The following LIMCH1 variants were observed in gnomAD, a reference collection of about 807,000 sequenced individuals.
LIMCH1 encodes LIM and calponin homology domains-containing protein 1.
Under a neutral mutation model 176.5 loss-of-function variants are expected in LIMCH1, and 113 were observed. That is an observed-to-expected ratio of 0.64 (90% CI 0.55 to 0.75). The LOEUF is 0.75. Among genes scored for constraint, LIMCH1 ranks in the 30% least tolerant of loss-of-function variants. The probability of loss-of-function intolerance (pLI) is 0.00; values close to 1 mark genes in which losing one functional copy is unlikely to be tolerated. For synonymous variants in LIMCH1, 619 were observed against 645.9 expected, an observed-to-expected ratio of 0.96 and a Z score of 0.63; for missense variants, 1,674 against 1,814.9, an observed-to-expected ratio of 0.92 and a Z score of 1.41.
At chr4:41,501,736 T>C (rs935108693) in intron 2 of LIMCH1, among the ~76,000 whole-genome samples, 1 of 151,918 alleles carries the variant, frequency 6.6e-6, no homozygotes, top group Admixed American at 6.6e-5. Flanking sequence ...TAGAAAACAA[T>C]AGAAGACAAA....
chr4:41,361,408 G>T (rs1318421421), intron 1 of LIMCH1, among the ~76,000 whole-genome samples: 1 of 152,198 alleles, frequency 6.6e-6, no homozygotes, highest in Non-Finnish European at 1.5e-5. Flanking sequence ...GAGCAGAGTT[G>T]GCAGTGTCTT....
At chr4:41,620,747 A>C in intron 7 of LIMCH1, 57 bp downstream of exon 7, 1 of 1,482,014 alleles carries the variant, frequency 6.7e-7, no homozygotes, top group African/African-American at 1.4e-5. Context: ...GGGGATTTGG[A>C]ATCTGTCTAG....
Position 41,487,158 on chromosome 4 carries a change from C to T in LIMCH1, c.97-7378C>T, listed in dbSNP as rs200752864. ...ACAGGTGTGAGCCACCACGCCCGGCCGAGAATCTGTGTTTCTAACATGAAT... is the reference window on the plus strand; with the variant it reads ...ACAGGTGTGAGCCACCACGCCCGGCTGAGAATCTGTGTTTCTAACATGAAT... On this transcript the variant is annotated intron_variant, in intron 1 of 26. Transcript: ENST00000313860. 4.6e-5 allele frequency among the ~76,000 whole-genome samples: 7 copies of T among 151,988 alleles called. No homozygotes were observed. In the East Asian group the frequency reaches 9.7e-4, roughly 21 times the overall value.
At chr4:41,532,185 C>T (rs530105314) in intron 3 of LIMCH1, among the ~76,000 whole-genome samples, 21 of 152,264 alleles carry the variant, frequency 1.4e-4, no homozygotes, top group Admixed American at 1.2e-3. Flanking sequence ...ACAAAACACA[C>T]GAGGTCTTTG....
chr4:41,366,180 G>A (rs1457426256), intron 1 of LIMCH1, among the ~76,000 whole-genome samples: 2 of 152,180 alleles, frequency 1.3e-5, no homozygotes, highest in Admixed American at 1.3e-4. Flanking sequence ...TGTTAATGAT[G>A]CTGATGTTGC....
intron 3 of LIMCH1, among the ~76,000 whole-genome samples, chr4:41,604,799 G>A (rs564748366): frequency 6.6e-6 from 1 of 152,112 alleles, no homozygotes; most frequent in Non-Finnish European, 1.5e-5. Flanking sequence ...TGTTCTGGAA[G>A]TTTCGAGGGA....
intron 1 of LIMCH1, among the ~76,000 whole-genome samples, chr4:41,546,846 G>C (rs1158115862): frequency 1.3e-5 from 2 of 152,174 alleles, no homozygotes; most frequent in East Asian, 3.9e-4. Context: ...TATATGGAGA[G>C]AGAGAGAGAC....
chr4:41,445,020 C>CTTTT (rs11414585), intron 1 of LIMCH1, among the ~76,000 whole-genome samples: 1 of 128,532 alleles, frequency 7.8e-6, no homozygotes, highest in African/African-American at 2.9e-5. Flanking sequence ...TTTTCCCATT[C>CTTTT]TTTTTTTTTT....
At chr4:41,510,909 T>A (rs1346779433) in intron 2 of LIMCH1, among the ~76,000 whole-genome samples, 3 of 152,144 alleles carry the variant, frequency 2.0e-5, no homozygotes, top group Non-Finnish European at 4.4e-5. Flanking sequence ...TTTAAAAAGT[T>A]AACTATGAAG....
intron 1 of LIMCH1, among the ~76,000 whole-genome samples, chr4:41,406,858 G>C (rs1025153029): frequency 6.6e-6 from 1 of 152,124 alleles, no homozygotes; most frequent in Non-Finnish European, 1.5e-5. Context: ...TATGATTTTA[G>C]GTTTCAATGA....
chr4:41,671,424 A>G (rs2095026342), intron 21 of LIMCH1, 130 bp from the exon 22 acceptor site: 3 of 644,754 alleles, frequency 4.7e-6, no homozygotes, highest in African/African-American at 1.8e-5. Context: ...ACACACACAC[A>G]CACACACACA....
At chr4:41,595,657 T>G (rs2088616413) in intron 1 of LIMCH1, among the ~76,000 whole-genome samples, 1 of 152,224 alleles carries the variant, frequency 6.6e-6, no homozygotes, top group Non-Finnish European at 1.5e-5. Context: ...GTTCATATTA[T>G]TAAGTGCCCC....
At chr4:41,661,753 A>G (rs942436917) in intron 19 of LIMCH1, among the ~76,000 whole-genome samples, 1 of 152,198 alleles carries the variant, frequency 6.6e-6, no homozygotes, top group East Asian at 1.9e-4. Flanking sequence ...GTTTTTTAAA[A>G]TATTTATCCC....
At chr4:41,417,828 G>C (rs2154128036) in intron 1 of LIMCH1, among the ~76,000 whole-genome samples, 1 of 152,272 alleles carries the variant, frequency 6.6e-6, no homozygotes, top group South Asian at 2.1e-4. Context: ...CCAGCCTCTA[G>C]AGGGTATTTT....
At chr4:41,476,598 C>A (rs2067783663) in intron 1 of LIMCH1, among the ~76,000 whole-genome samples, 1 of 152,200 alleles carries the variant, frequency 6.6e-6, no homozygotes, top group Non-Finnish European at 1.5e-5. Flanking sequence ...GAACAGATTT[C>A]CTGCCATAAT....
At chr4:41,531,137 T>C (rs1287858815) in intron 3 of LIMCH1, among the ~76,000 whole-genome samples, 1 of 152,144 alleles carries the variant, frequency 6.6e-6, no homozygotes, top group African/African-American at 2.4e-5. Context: ...CCCTAGGATA[T>C]AGAATTGAAT....
At chr4:41,608,928 G>A (rs999224121) in intron 4 of LIMCH1, among the ~76,000 whole-genome samples, 15 of 152,070 alleles carry the variant, frequency 9.9e-5, no homozygotes, top group African/African-American at 2.2e-4. Flanking sequence ...AACAGGGAGC[G>A]TGGCCAGTAT....
Position 41,486,977 on chromosome 4 carries a change from T to TACACACACACACACAC in LIMCH1, c.97-7549_97-7534dup, listed in dbSNP as rs71927545. ...ATATATATACACACACACACATACA[T>TACACACACACACACAC]ACACACACACACACACACACACACA... is the stretch of plus-strand genomic sequence containing the variant. On this transcript the variant is annotated intron_variant, in intron 1 of 26. Transcript: ENST00000313860. Among the ~76,000 whole-genome samples the TACACACACACACACAC allele has an allele frequency of 4.9e-3, 684 of 138,462 alleles. 4 individuals carry two copies. Among genetic ancestry groups the TACACACACACACACAC allele is most frequent in the South Asian group, 0.02 (90 of 4,406 alleles). The allele number at this position is 138,462 out of a possible 152,430, so 90.8% of individuals were successfully genotyped here.
At chr4:41,606,071 T>C (rs946701457) in intron 4 of LIMCH1, 67 bp downstream of exon 4, 2 of 1,107,960 alleles carry the variant, frequency 1.8e-6, no homozygotes, top group Non-Finnish European at 2.7e-6. Context: ...CATTTGCTTG[T>C]TTTTAAGATT....
Sources: gnomAD v4.1 joint callset for allele counts (sites outside exome capture counted in the v4.1 genomes callset) on GRCh38, gnomAD v4.1.1 for gene constraint, MANE v1.5 for transcripts, NCBI Gene and HGNC (gene_info 2026-07-23, HGNC 2026-07-21) for gene names.